Variants in SH3GL2 observed in about 807,000 individuals in gnomAD.
SH3GL2 encodes endophilin-A1.
In SH3GL2, 24 loss-of-function variants were observed where a neutral mutation model predicts 46.0. That is an observed-to-expected ratio of 0.52 (90% CI 0.38 to 0.73). SH3GL2 has a LOEUF of 0.73. Among genes scored for constraint, SH3GL2 ranks in the 30% least tolerant of loss-of-function variants. SH3GL2 has a pLI of 0.00. For synonymous variants in SH3GL2, 196 were observed against 147.1 expected, an observed-to-expected ratio of 1.33 and a Z score of -2.40; for missense variants, 413 against 424.2, an observed-to-expected ratio of 0.97 and a Z score of 0.23.
At chr9:17,628,169 T>C (rs1654231284) in intron 1 of SH3GL2, among the ~76,000 whole-genome samples, 1 of 152,190 alleles carries the variant, frequency 6.6e-6, no homozygotes, top group African/African-American at 2.4e-5. Context: ...TTCAAAATAA[T>C]AGACTGTATC....
chr9:17,604,365 G>A (rs1292882948), intron 1 of SH3GL2, among the ~76,000 whole-genome samples: 2 of 152,218 alleles, frequency 1.3e-5, no homozygotes, highest in Non-Finnish European at 2.9e-5. Flanking sequence ...ATCCTATGAG[G>A]TTGTTATGGG....
chr9:17,781,676 C>A (rs151262424), intron 3 of SH3GL2, among the ~76,000 whole-genome samples: 1,899 of 152,208 alleles, frequency 0.012, 38 homozygotes, highest in African/African-American at 0.044. Flanking sequence ...CTCCTACCAG[C>A]AGTATTTGAG....
intron 1 of SH3GL2, among the ~76,000 whole-genome samples, chr9:17,744,934 C>T (rs1822636976): frequency 6.6e-6 from 1 of 152,122 alleles, no homozygotes; most frequent in South Asian, 2.1e-4. Context: ...GTGGGTACAC[C>T]TCTAGCCTTG....
chr9:17,745,108 C>G (rs952220931), intron 1 of SH3GL2, among the ~76,000 whole-genome samples: 1 of 152,116 alleles, frequency 6.6e-6, no homozygotes, highest in African/African-American at 2.4e-5. Flanking sequence ...TTTATGCAAC[C>G]CTCTCTTTTC....
At chr9:17,758,578 A>AAAAAAAAAAAAAAAAAC (rs1823075557) in intron 2 of SH3GL2, among the ~76,000 whole-genome samples, 1 of 134,950 alleles carries the variant, frequency 7.4e-6, no homozygotes, top group East Asian at 2.0e-4. Flanking sequence ...AAAAAAAAAA[A>AAAAAAAAAAAAAAAAAC]AAAAAAAAAA....
At chr9:17,596,055 A>G (rs375089876) in intron 1 of SH3GL2, among the ~76,000 whole-genome samples, 1 of 152,170 alleles carries the variant, frequency 6.6e-6, no homozygotes, top group African/African-American at 2.4e-5. Flanking sequence ...GGATAAGTTG[A>G]AAACAAGGAA....
intron 1 of SH3GL2, among the ~76,000 whole-genome samples, chr9:17,701,116 A>C (rs1450542700): frequency 6.6e-6 from 1 of 152,136 alleles, no homozygotes; most frequent in Non-Finnish European, 1.5e-5. Context: ...GAGGGTAGAG[A>C]GTGAAAATGG....
intron 2 of SH3GL2, among the ~76,000 whole-genome samples, chr9:17,752,475 C>G (rs1448855460): frequency 6.6e-6 from 1 of 152,012 alleles, no homozygotes; most frequent in Non-Finnish European, 1.5e-5. Context: ...TGTAATTCAT[C>G]TACTTATTTA....
At chr9:17,739,767 A>G (rs747218462) in intron 1 of SH3GL2, among the ~76,000 whole-genome samples, 1 of 152,190 alleles carries the variant, frequency 6.6e-6, no homozygotes, top group Non-Finnish European at 1.5e-5. Context: ...TCCCTCTATT[A>G]TAAATTTTTC....
intron 1 of SH3GL2, among the ~76,000 whole-genome samples, chr9:17,723,869 T>G (rs1821956386): frequency 6.6e-6 from 1 of 152,152 alleles, no homozygotes; most frequent in African/African-American, 2.4e-5. Flanking sequence ...CTGTTCATCT[T>G]ATTGTGATGC....
intron 1 of SH3GL2, among the ~76,000 whole-genome samples, chr9:17,686,984 C>G (rs1820930635): frequency 6.6e-6 from 1 of 151,274 alleles, no homozygotes; most frequent in Admixed American, 6.6e-5. Flanking sequence ...GGAATCTTTG[C>G]AAAACAATGG....
intron 1 of SH3GL2, chr9:17,590,623 A>G (rs780111813): frequency 6.6e-6 from 1 of 152,160 alleles, no homozygotes; most frequent in Admixed American, 6.5e-5. Context: ...CAAATTTTGC[A>G]GATATATTTA....
rs115714710 is a variant in SH3GL2, at chr9:17,737,802, C to T, written c.46-9264C>T. 3.4e-3 allele frequency among the ~76,000 whole-genome samples: 513 copies of T among 152,194 alleles called. 2 individuals carry two copies. The highest frequency in any genetic ancestry group is 0.012 in the African/African-American group (484 of 41,540). On this transcript the variant is annotated intron_variant, in intron 1 of 8. Transcript: ENST00000380607. ...GAGATGCATGTTCTCCCTGAGCAGT[C>T]GCCTTTGAGCTCTGGCAACACACTC... is the stretch of plus-strand genomic sequence containing the variant.
At chr9:17,656,908 C>T (rs1820092836) in intron 1 of SH3GL2, among the ~76,000 whole-genome samples, 1 of 151,052 alleles carries the variant, frequency 6.6e-6, no homozygotes, top group Admixed American at 6.6e-5. Flanking sequence ...TTAAGAAGTT[C>T]TTATAGTGAA....
intron 1 of SH3GL2, among the ~76,000 whole-genome samples, chr9:17,663,237 G>T: frequency 6.6e-6 from 1 of 152,156 alleles, no homozygotes; most frequent in East Asian, 1.9e-4. Flanking sequence ...GCTGAGAATT[G>T]ATCTTTTAGT....
chr9:17,617,777 A>T (rs1819038578), intron 1 of SH3GL2, among the ~76,000 whole-genome samples: 1 of 151,996 alleles, frequency 6.6e-6, no homozygotes, highest in Non-Finnish European at 1.5e-5. Context: ...TAGCTTGTTC[A>T]CCTCTCTGGT....
At chr9:17,762,989 G>A (rs1222980701) in intron 3 of SH3GL2, among the ~76,000 whole-genome samples, 1 of 152,146 alleles carries the variant, frequency 6.6e-6, no homozygotes, top group Non-Finnish European at 1.5e-5. Context: ...ATTTTCACGA[G>A]TTGTACTTGT....
intron 1 of SH3GL2, among the ~76,000 whole-genome samples, chr9:17,630,750 A>G (rs117567077): frequency 0.014 from 2,197 of 152,258 alleles, 30 homozygotes; most frequent in Non-Finnish European, 0.021. Context: ...TCATTATGCA[A>G]TAATGTAGCC....
intron 1 of SH3GL2, among the ~76,000 whole-genome samples, chr9:17,583,060 T>C (rs1437985800): frequency 2.0e-5 from 3 of 152,216 alleles, no homozygotes; most frequent in Non-Finnish European, 4.4e-5. Context: ...TGAGCTATTG[T>C]AATTAGGACT....
Sources: gnomAD v4.1 joint callset for allele counts (sites outside exome capture counted in the v4.1 genomes callset) on GRCh38, gnomAD v4.1.1 for gene constraint, MANE v1.5 for transcripts, NCBI Gene and HGNC (gene_info 2026-07-23, HGNC 2026-07-21) for gene names.